The following CEP55 variants were observed in gnomAD, a reference collection of about 807,000 sequenced individuals.
CEP55 encodes the protein centrosomal protein 55.
In CEP55, 57 loss-of-function variants were observed where a neutral mutation model predicts 63.2. The ratio of observed to expected loss-of-function variants is 0.90; its 90% CI spans 0.73 to 1.13. The LOEUF is 1.13. Ranked by LOEUF, CEP55 falls within the 50% of genes most tolerant of loss-of-function variation. The probability of loss-of-function intolerance (pLI) is 0.00; values close to 1 mark genes in which losing one functional copy is unlikely to be tolerated. For synonymous variants in CEP55, 178 were observed against 191.6 expected, an observed-to-expected ratio of 0.93 and a Z score of 0.59; for missense variants, 456 against 518.9, an observed-to-expected ratio of 0.88 and a Z score of 1.18.
chr10:93,515,643 T>C (rs2057796682), intron 5 of CEP55, 88 bp downstream of exon 5: 3 of 1,330,424 alleles, frequency 2.3e-6, no homozygotes, highest in East Asian at 2.3e-5. Flanking sequence ...TTTATAGATA[T>C]GTGTTAGAAA....
At chr10:93,527,224 A>G (rs1382579750) in intron 8 of CEP55, among the ~76,000 whole-genome samples, 1 of 152,230 alleles carries the variant, frequency 6.6e-6, no homozygotes, top group Non-Finnish European at 1.5e-5. Flanking sequence ...AAGGTATGAT[A>G]GAATATCTTA....
intron 4 of CEP55, among the ~76,000 whole-genome samples, chr10:93,514,707 A>C (rs2057784838): frequency 6.6e-6 from 1 of 152,228 alleles, no homozygotes; most frequent in Non-Finnish European, 1.5e-5. Context: ...TGAAGGAATT[A>C]ACAGATGGAG....
chr10:93,507,431 A>G (rs1353952418), intron 4 of CEP55, among the ~76,000 whole-genome samples: 1 of 151,848 alleles, frequency 6.6e-6, no homozygotes, highest in Non-Finnish European at 1.5e-5. Flanking sequence ...CATGTTGGCC[A>G]GGCTGGTCTC....
chr10:93,517,424 C>T, intron 6 of CEP55, among the ~76,000 whole-genome samples, 176 bp downstream of exon 6: 1 of 152,160 alleles, frequency 6.6e-6, no homozygotes, highest in East Asian at 1.9e-4. Context: ...AAAGAAAATG[C>T]AACAGGGTGA....
At chr10:93,497,432 A>T (rs1003683062) in intron 1 of CEP55, among the ~76,000 whole-genome samples, 1 of 151,776 alleles carries the variant, frequency 6.6e-6, no homozygotes, top group African/African-American at 2.4e-5. Flanking sequence ...CGCCCGGTTA[A>T]TTTTTGTATT....
intron 4 of CEP55, among the ~76,000 whole-genome samples, chr10:93,512,135 G>C (rs1285991659): frequency 6.6e-6 from 1 of 150,400 alleles, no homozygotes; most frequent in Non-Finnish European, 1.5e-5. Context: ...GCTGAGGCAG[G>C]AGAATTGCTG....
At chr10:93,498,197 TTGGTGGGACTAGG>T (rs2057594226) in intron 1 of CEP55, among the ~76,000 whole-genome samples, 1 of 138,456 alleles carries the variant, frequency 7.2e-6, no homozygotes, top group East Asian at 2.1e-4. Context: ...GGAAAGGAGG[TTGGTGGGACTAGG>T]TGGTGGGGGA....
intron 4 of CEP55, among the ~76,000 whole-genome samples, chr10:93,512,383 G>A (rs1233406104): frequency 4.3e-5 from 6 of 141,044 alleles, no homozygotes; most frequent in South Asian, 2.3e-4. Flanking sequence ...GTGTGGTGGC[G>A]CATGCCTGTA....
At chr10:93,514,704 A>T (rs79697103) in intron 4 of CEP55, among the ~76,000 whole-genome samples, 1 of 152,176 alleles carries the variant, frequency 6.6e-6, no homozygotes, top group African/African-American at 2.4e-5. Flanking sequence ...ACTTGAAGGA[A>T]TTAACAGATG....
intron 4 of CEP55, 43 bp from the exon 5 acceptor site, chr10:93,515,361 GT>G (rs754650507): frequency 1.3e-6 from 2 of 1,547,510 alleles, no homozygotes; most frequent in Non-Finnish European, 1.8e-6. Context: ...TTAAGATTTT[GT>G]TTTTTTATTT....
intron 8 of CEP55, among the ~76,000 whole-genome samples, chr10:93,527,177 A>T (rs1378876571): frequency 2.0e-5 from 3 of 152,166 alleles, no homozygotes; most frequent in Non-Finnish European, 2.9e-5. Context: ...AACTACTCCA[A>T]GTTCTTAGAA....
intron 8 of CEP55, among the ~76,000 whole-genome samples, chr10:93,525,805 T>C (rs1006812764): frequency 2.6e-5 from 4 of 152,022 alleles, no homozygotes; most frequent in Non-Finnish European, 4.4e-5. Flanking sequence ...TACCTGATCT[T>C]TGACAAACCT....
chr10:93,517,205 A>G lies in CEP55; in HGVS notation c.950A>G (p.Lys317Arg), dbSNP rs1180687947. Residue 317 changes from lysine to arginine, a missense_variant, in exon 6 of 9, where the codon AAA becomes AGA. Coordinates refer to ENST00000371485, the MANE Select transcript of CEP55 (RefSeq NM_018131.5). ...LREENDIARG[K>R]LEEEKKRSEE... ...GAAGAGAATGATATTGCTAGGGGAA[A>G]ACTTGAAGAAGAGAAGAAGAGATCC... 3 of 1,609,450 alleles carry G rather than the reference A, an allele frequency of 1.9e-6. No homozygotes were observed. The South Asian group carries it at 3.3e-5, about 18-fold the overall frequency.
At chr10:93,525,602 G>T (rs1019287180) in intron 8 of CEP55, among the ~76,000 whole-genome samples, 3 of 151,536 alleles carry the variant, frequency 2.0e-5, no homozygotes, top group Non-Finnish European at 4.4e-5. Context: ...AGTTCATATG[G>T]AACCAAAAAA....
Position 93,528,441 on chromosome 10 carries a change from A to G in CEP55, c.*288A>G. The G allele has an allele frequency of 2.8e-6, 1 of 362,956 alleles. No individual in the cohort carries two copies. The allele number at this position is 362,956 out of a possible 1,614,324, so 22.5% of individuals were successfully genotyped here. ...TCAAAATACTTGGTGAGGAAAAGAT[A>G]GCTCAGGTTATTGCTAATGGGTTAA... On this transcript the variant is annotated 3_prime_UTR_variant, in exon 9 of 9. Transcript: ENST00000371485.
intron 3 of CEP55, among the ~76,000 whole-genome samples, chr10:93,503,769 T>C (rs2057658819): frequency 6.6e-6 from 1 of 152,184 alleles, no homozygotes; most frequent in African/African-American, 2.4e-5. Flanking sequence ...CAAGTATACT[T>C]TTCCTAACTG....
chr10:93,503,524 C>A, intron 3 of CEP55, 136 bp downstream of exon 3: 1 of 849,574 alleles, frequency 1.2e-6, no homozygotes, highest in Non-Finnish European at 1.8e-6. Context: ...TATCAGGTCA[C>A]TTCACTTTTT....
chr10:93,528,112 C>A lies in CEP55; in HGVS notation c.1354C>A (p.His452Asn). The A allele has an allele frequency of 6.2e-7, 1 of 1,614,036 alleles. No individual in the cohort carries two copies. Among genetic ancestry groups the A allele is most frequent in the South Asian group, 1.1e-5 (1 of 91,082 alleles). The part of the protein sequence containing the change: ...KCNIQYPATE[H>N]RDLLVHVEYC... ...CAATATACAGTATCCAGCCACTGAG[C>A]ATCGCGATCTGCTTGTCCATGTGGA... Residue 452 changes from histidine (H) to asparagine (N), a missense_variant, in exon 9 of 9, where the codon CAT (histidine) becomes AAT (asparagine). Transcript: ENST00000371485.
At chr10:93,524,679 A>G (rs1427152225) in intron 8 of CEP55, among the ~76,000 whole-genome samples, 4 of 152,316 alleles carry the variant, frequency 2.6e-5, no homozygotes, top group Middle Eastern at 3.4e-3. Context: ...ACATCGATGC[A>G]AAAATCCTCA....
Sources: allele counts gnomAD v4.1 joint callset (sites outside exome capture counted in the v4.1 genomes callset), GRCh38; gene constraint gnomAD v4.1.1; transcripts MANE v1.5; gene names NCBI Gene and HGNC (gene_info 2026-07-23, HGNC 2026-07-21).